FBXL17: variants seen among roughly 807,000 people sequenced by gnomAD.
The protein encoded by FBXL17 is F-box and leucine rich repeat protein 17.
Under a neutral mutation model 66.2 loss-of-function variants are expected in FBXL17, and 22 were observed. That is an observed-to-expected ratio of 0.33 (90% CI 0.24 to 0.47). The LOEUF (loss-of-function observed/expected upper bound fraction) is 0.47, where lower values mean the gene tolerates loss of function less well. FBXL17 is among the 20% of genes least tolerant of loss of function. FBXL17 has a pLI of 1.00. For synonymous variants in FBXL17, 474 were observed against 400.5 expected (o/e 1.18, Z -2.19); for missense variants, 878 against 948.2 (o/e 0.93, Z 0.97).
intron 8 of FBXL17, among the ~76,000 whole-genome samples, chr5:107,871,052 G>T: frequency 2.3e-5 from 1 of 42,844 alleles, no homozygotes; most frequent in Admixed American, 2.1e-4. Flanking sequence ...ATTACTCTTG[G>T]GCGGCAAAAA....
At chr5:107,941,400 A>G (rs1751092451) in intron 7 of FBXL17, among the ~76,000 whole-genome samples, 1 of 152,244 alleles carries the variant, frequency 6.6e-6, no homozygotes, top group African/African-American at 2.4e-5. Flanking sequence ...TGACAAGTGC[A>G]GAATACCCTC....
At chr5:108,036,946 A>T (rs1746865340) in intron 6 of FBXL17, among the ~76,000 whole-genome samples, 1 of 152,194 alleles carries the variant, frequency 6.6e-6, no homozygotes, top group South Asian at 2.1e-4. Flanking sequence ...GAAGAGAAAT[A>T]CCTAGGCAAA....
intron 6 of FBXL17, among the ~76,000 whole-genome samples, chr5:108,032,276 T>C (rs1746671610): frequency 1.3e-5 from 2 of 152,092 alleles, no homozygotes; most frequent in Non-Finnish European, 2.9e-5. Context: ...GTAAAGTACG[T>C]AGAGCAGCAC....
At chr5:108,150,041 A>G (rs1182354509) in intron 6 of FBXL17, among the ~76,000 whole-genome samples, 2 of 152,174 alleles carry the variant, frequency 1.3e-5, no homozygotes, top group African/African-American at 2.4e-5. Flanking sequence ...TCAATTGCTA[A>G]CATTTCACCA....
chr5:108,176,774 A>G (rs548080726), intron 6 of FBXL17, among the ~76,000 whole-genome samples: 19 of 152,188 alleles, frequency 1.2e-4, no homozygotes, highest in Admixed American at 6.5e-4. Context: ...AATCAATATC[A>G]GAACTAATAT....
At chr5:108,312,272 C>G (rs1401129561) in intron 4 of FBXL17, among the ~76,000 whole-genome samples, 2 of 152,096 alleles carry the variant, frequency 1.3e-5, no homozygotes, top group Admixed American at 1.3e-4. Context: ...AAAAAATTAA[C>G]TCGTAGAATG....
chr5:108,084,109 G>T (rs1165391772), intron 6 of FBXL17, among the ~76,000 whole-genome samples: 8 of 152,192 alleles, frequency 5.3e-5, no homozygotes, highest in Admixed American at 5.2e-4. Flanking sequence ...AACTAACACT[G>T]ACCTTCCTCT....
chr5:108,032,830 G>A (rs1347105678), intron 6 of FBXL17, among the ~76,000 whole-genome samples: 1 of 152,126 alleles, frequency 6.6e-6, no homozygotes, highest in Non-Finnish European at 1.5e-5. Context: ...CTAATACAGT[G>A]TCTAAGAATG....
At chr5:108,000,707 A>G (rs751424464) in intron 7 of FBXL17, among the ~76,000 whole-genome samples, 1 of 152,234 alleles carries the variant, frequency 6.6e-6, no homozygotes, top group African/African-American at 2.4e-5. Flanking sequence ...ATCATATACC[A>G]GAACCTCAAA....
chr5:108,146,998 T>C (rs943597615), intron 6 of FBXL17, among the ~76,000 whole-genome samples: 1 of 152,214 alleles, frequency 6.6e-6, no homozygotes, highest in Non-Finnish European at 1.5e-5. Context: ...GTTCTCTCTC[T>C]GCTTCATAGA....
At position 108,058,415 on chromosome 5, in the gene FBXL17, TTTCTTTCTTCTTTCTTTCTCTTTC is replaced by T. The variant is rs1482184309; in HGVS notation, c.1746-37438_1746-37415del. Reference sequence around the variant, plus strand: ...TTCTTTCTTTCCTTCTTTCTTTCTCTTTCTTTCTTCTTTCTTTCTCTTTCTTTCTTCTCTCCTTTTCTTTCTTCT... The same window carrying T: ...TTCTTTCTTTCCTTCTTTCTTTCTCTTTTCTTCTCTCCTTTTCTTTCTTCT... On this transcript the variant is annotated intron_variant, in intron 6 of 8. Coordinates refer to ENST00000542267, the MANE Select transcript of FBXL17 (RefSeq NM_001163315.3). Among the ~76,000 whole-genome samples the T allele has an allele frequency of 3.1e-4, 9 of 29,024 alleles. No homozygotes were observed. In the East Asian group the frequency reaches 8.8e-3, roughly 28 times the overall value. The allele number at this position is 29,024 out of a possible 152,430, so 19.0% of individuals were successfully genotyped here.
At chr5:108,218,453 T>C (rs113477365) in intron 5 of FBXL17, among the ~76,000 whole-genome samples, 22 of 152,322 alleles carry the variant, frequency 1.4e-4, no homozygotes, top group Admixed American at 7.2e-4. Context: ...AGCAGTACTA[T>C]TGCTGGCTCA....
At chr5:108,024,191 A>G (rs1249110999) in intron 6 of FBXL17, among the ~76,000 whole-genome samples, 2 of 152,206 alleles carry the variant, frequency 1.3e-5, no homozygotes, top group African/African-American at 4.8e-5. Flanking sequence ...ATTTGGAAAA[A>G]GAACTGTCTC....
chr5:108,382,025 G>T lies in FBXL17; in HGVS notation c.-334C>A. On this transcript the variant is annotated 5_prime_UTR_variant, in exon 1 of 9. Transcript: ENST00000542267. ...GCCGGCTCAGTCAGTCAGCGGAGCG[G>T]CCGGGGAAAGGCCGGGTCCCGCTCG... is the stretch of plus-strand genomic sequence containing the variant. 3 of 1,066,294 alleles carry T rather than the reference G, an allele frequency of 2.8e-6. No individual in the cohort carries two copies. Among genetic ancestry groups the T allele is most frequent in the Non-Finnish European group, 3.5e-6 (3 of 866,422 alleles). The allele number at this position is 1,066,294 out of a possible 1,614,324, so 66.1% of individuals were successfully genotyped here. A position where few individuals can be genotyped will look rare whatever the true frequency, so the allele number is the denominator to read the frequency against.
chr5:107,974,654 CT>C (rs1752512663), intron 7 of FBXL17, among the ~76,000 whole-genome samples: 1 of 152,002 alleles, frequency 6.6e-6, no homozygotes, highest in Admixed American at 6.6e-5. Context: ...GCCATATAGT[CT>C]CTTAGTTGAT....
chr5:108,221,974 T>C (rs1237510853), intron 5 of FBXL17, among the ~76,000 whole-genome samples: 2 of 152,186 alleles, frequency 1.3e-5, no homozygotes, highest in African/African-American at 2.4e-5. Context: ...AAGGCTCTGT[T>C]GAAGAACAAA....
chr5:107,965,260 TAC>T (rs998968607), intron 7 of FBXL17, among the ~76,000 whole-genome samples: 1 of 152,150 alleles, frequency 6.6e-6, no homozygotes, highest in African/African-American at 2.4e-5. Context: ...GTAGTTTTTC[TAC>T]ACAAAGAATG....
intron 4 of FBXL17, among the ~76,000 whole-genome samples, chr5:108,295,046 T>C (rs972455717): frequency 2.0e-5 from 3 of 152,028 alleles, no homozygotes; most frequent in Non-Finnish European, 4.4e-5. Context: ...AGTAGTTATT[T>C]AGAGTGACAT....
intron 4 of FBXL17, among the ~76,000 whole-genome samples, chr5:108,333,225 A>C (rs1288932308): frequency 6.6e-6 from 1 of 150,700 alleles, no homozygotes; most frequent in Non-Finnish European, 1.5e-5. Flanking sequence ...TATAGCTAAC[A>C]GTAGTCTATA....
Sources: gnomAD v4.1 joint callset for allele counts (sites outside exome capture counted in the v4.1 genomes callset) on GRCh38, gnomAD v4.1.1 for gene constraint, MANE v1.5 for transcripts, NCBI Gene and HGNC (gene_info 2026-07-23, HGNC 2026-07-21) for gene names.